Variants in ARHGAP24 observed in about 807,000 individuals in gnomAD.
The protein encoded by ARHGAP24 is Rho GTPase activating protein 24, also known as rho GTPase-activating protein 24.
ARHGAP24 carries 50 observed loss-of-function variants against 76.4 expected under a neutral mutation model. That is an observed-to-expected ratio of 0.65 (90% CI 0.52 to 0.83). The LOEUF (loss-of-function observed/expected upper bound fraction) is 0.83, where lower values mean the gene tolerates loss of function less well. ARHGAP24 is among the 40% of genes least tolerant of loss of function. ARHGAP24 has a pLI of 0.00. For synonymous variants in ARHGAP24, 345 were observed against 323.3 expected, an observed-to-expected ratio of 1.07 and a Z score of -0.72; for missense variants, 930 against 914.2, an observed-to-expected ratio of 1.02 and a Z score of -0.22.
intron 2 of ARHGAP24, among the ~76,000 whole-genome samples, chr4:85,629,333 A>G (rs10033604): frequency 0.011 from 1,726 of 152,282 alleles, 37 homozygotes; most frequent in African/African-American, 0.039. Flanking sequence ...TACTGTAGCT[A>G]TACTTAATAC....
At chr4:85,987,679 C>T (rs527686802) in intron 8 of ARHGAP24, among the ~76,000 whole-genome samples, 2 of 151,826 alleles carry the variant, frequency 1.3e-5, no homozygotes, top group East Asian at 1.9e-4. Flanking sequence ...ATATTACACT[C>T]GATGAGATTA....
At chr4:85,527,074 ATG>A (rs1725035913) in intron 1 of ARHGAP24, among the ~76,000 whole-genome samples, 1 of 152,130 alleles carries the variant, frequency 6.6e-6, no homozygotes, top group African/African-American at 2.4e-5. Context: ...GATCAGTGTA[ATG>A]TGTATAGGCA....
rs537448444 is a variant in ARHGAP24, at chr4:85,616,830, G to A, written c.180+46109G>A. On this transcript the variant is annotated intron_variant, in intron 2 of 9. Transcript: ENST00000395184. The stretch of plus-strand genomic sequence containing the variant: ...TTTAGTAGAGATGGGGTTTCACCAT[G>A]TTGACCAGGCTGGTCTTGAACTCCT... 8.7e-4 allele frequency among the ~76,000 whole-genome samples: 132 copies of A among 152,126 alleles called. 1 individual carries two copies. Among genetic ancestry groups the A allele is most frequent in the Non-Finnish European group, 1.4e-3 (92 of 67,970 alleles).
chr4:85,518,086 A>G (rs947945737), intron 1 of ARHGAP24, among the ~76,000 whole-genome samples: 1 of 152,166 alleles, frequency 6.6e-6, no homozygotes, highest in African/African-American at 2.4e-5. Flanking sequence ...CAAACCTCAA[A>G]GTGCCCAAAA....
chr4:85,993,157 C>T (rs537391805), intron 8 of ARHGAP24, among the ~76,000 whole-genome samples: 1 of 152,222 alleles, frequency 6.6e-6, no homozygotes, highest in South Asian at 2.1e-4. Context: ...AAGTGTAATG[C>T]ACCCAGGAAT....
At position 85,475,580 on chromosome 4, in the gene ARHGAP24, G is replaced by T. The variant is rs565795618; in HGVS notation, c.-21+21G>T. On this transcript the variant is annotated intron_variant, in intron 1 of 9. Transcript: ENST00000395184. ...GCAAGGTAGGTGATGCGGTCGCGAG[G>T]AAGTGCGCGGAGCTACCGCGGGAAG... is the stretch of plus-strand genomic sequence containing the variant. The T allele has an allele frequency of 5.3e-5, 8 of 151,474 alleles. No individual in the cohort carries two copies. The South Asian group carries it at 1.5e-3, about 28-fold the overall frequency. The allele number at this position is 151,474 out of a possible 1,614,324, so 9.4% of individuals were successfully genotyped here.
intron 3 of ARHGAP24, among the ~76,000 whole-genome samples, chr4:85,919,530 G>A (rs574945263): frequency 1.1e-3 from 163 of 152,134 alleles, no homozygotes; most frequent in Non-Finnish European, 2.0e-3. Context: ...ACCCCTTGCC[G>A]TTAAAATGAG....
chr4:85,845,066 A>C lies in ARHGAP24; in HGVS notation c.269-78582A>C, dbSNP rs148494691. On this transcript the variant is annotated intron_variant, in intron 3 of 9. Coordinates refer to ENST00000395184, the MANE Select transcript of ARHGAP24 (RefSeq NM_001025616.3). ...ATACTTTGTAGGATGTGTCACTTCAACTTTAACCTTGAAGCAATAGTACAC... is the reference window on the plus strand; with the variant it reads ...ATACTTTGTAGGATGTGTCACTTCACCTTTAACCTTGAAGCAATAGTACAC... 3.3e-5 allele frequency among the ~76,000 whole-genome samples: 5 copies of C among 152,338 alleles called. No individual in the cohort carries two copies. The East Asian group carries it at 9.6e-4, about 29-fold the overall frequency.
rs529174154 is a variant in ARHGAP24 at position 85,623,709 on chromosome 4, C to T, written c.180+52988C>T. ...TATGGCCATTTTCACGATATTGATTCTTCCTACCCATGAGCATGGAATGTT... is the reference window on the plus strand; with the variant it reads ...TATGGCCATTTTCACGATATTGATTTTTCCTACCCATGAGCATGGAATGTT... On this transcript the variant is annotated intron_variant, in intron 2 of 9. Coordinates refer to ENST00000395184, the MANE Select transcript of ARHGAP24 (RefSeq NM_001025616.3). Among the ~76,000 whole-genome samples the T allele has an allele frequency of 1.3e-4, 20 of 151,920 alleles. No homozygotes were observed. In the East Asian group the frequency reaches 3.7e-3, roughly 28 times the overall value.
intron 3 of ARHGAP24, among the ~76,000 whole-genome samples, chr4:85,910,029 G>T (rs932594899): frequency 6.6e-6 from 1 of 152,190 alleles, no homozygotes; most frequent in African/African-American, 2.4e-5. Context: ...GAGTGAGCAT[G>T]GGGTCCGGCC....
chr4:85,977,841 C>G, intron 8 of ARHGAP24, 150 bp downstream of exon 8: 3 of 1,028,180 alleles, frequency 2.9e-6, no homozygotes, highest in Non-Finnish European at 4.2e-6. Context: ...ATGTAAAAAT[C>G]TTCCTTTTGA....
chr4:85,519,422 C>CTCCTGAG (rs1724651665), intron 1 of ARHGAP24, among the ~76,000 whole-genome samples: 2 of 152,150 alleles, frequency 1.3e-5, no homozygotes, highest in African/African-American at 2.4e-5. Context: ...TAATGTCCTT[C>CTCCTGAG]TCCTGAGTCC....
chr4:85,884,695 T>A (rs1560695092), intron 3 of ARHGAP24, among the ~76,000 whole-genome samples: 1 of 152,180 alleles, frequency 6.6e-6, no homozygotes, highest in Non-Finnish European at 1.5e-5. Context: ...AGTTGTGGAA[T>A]GTTTGACTTT....
intron 3 of ARHGAP24, among the ~76,000 whole-genome samples, chr4:85,913,127 C>T (rs528826607): frequency 1.3e-5 from 2 of 152,086 alleles, no homozygotes; most frequent in Non-Finnish European, 1.5e-5. Flanking sequence ...CCACAACTCA[C>T]CCATCCAGCC....
At chr4:85,542,553 A>G (rs1211225810) in intron 1 of ARHGAP24, among the ~76,000 whole-genome samples, 1 of 152,192 alleles carries the variant, frequency 6.6e-6, no homozygotes, top group African/African-American at 2.4e-5. Flanking sequence ...TGCTTTTCAT[A>G]TGTATGCTTT....
rs909525711 is a variant in ARHGAP24, at chr4:85,621,030, T to A, written c.180+50309T>A. On this transcript the variant is annotated intron_variant, in intron 2 of 9. Transcript: ENST00000395184. ...CCCACTTGTAAGTGGGAACATGCAG[T>A]ATTTGGTTTTGTGTTTCTGCATTAA... Among the ~76,000 whole-genome samples, 9 of 152,164 alleles carry A rather than the reference T, an allele frequency of 5.9e-5. No homozygotes were observed. The East Asian group carries it at 1.7e-3, about 29-fold the overall frequency.
chr4:85,485,240 C>T (rs112103717), intron 1 of ARHGAP24, among the ~76,000 whole-genome samples: 15,058 of 143,622 alleles, frequency 0.1, 949 homozygotes, highest in Non-Finnish European at 0.14. Context: ...CCCAGATACT[C>T]GGGAGGCTGA....
At chr4:85,771,303 A>C (rs530741749) in intron 3 of ARHGAP24, among the ~76,000 whole-genome samples, 1 of 152,352 alleles carries the variant, frequency 6.6e-6, no homozygotes, top group African/African-American at 2.4e-5. Flanking sequence ...TGAGAACCAG[A>C]GGACCCAATG....
intron 2 of ARHGAP24, among the ~76,000 whole-genome samples, chr4:85,578,325 AG>A (rs1384375187): frequency 2.0e-5 from 3 of 152,212 alleles, no homozygotes; most frequent in African/African-American, 7.2e-5. Flanking sequence ...TGACTGTAGG[AG>A]GAAGAGCTAA....
Sources: allele counts gnomAD v4.1 joint callset (sites outside exome capture counted in the v4.1 genomes callset), GRCh38; gene constraint gnomAD v4.1.1; transcripts MANE v1.5; gene names NCBI Gene and HGNC (gene_info 2026-07-23, HGNC 2026-07-21).